The following NCAM2 variants were observed in gnomAD, a reference collection of about 807,000 sequenced individuals.
The protein encoded by NCAM2 is N-CAM-2.
Under a neutral mutation model 98.1 loss-of-function variants are expected in NCAM2, and 30 were observed. The observed-to-expected ratio is 0.31, with a 90% confidence interval of 0.23 to 0.41. The LOEUF is 0.41. NCAM2 is among the 10% of genes least tolerant of loss of function. The pLI, the probability that NCAM2 is intolerant of heterozygous loss-of-function variation, is 1.00. For missense variants in NCAM2, 867 were observed against 1,005.8 expected (o/e 0.86, Z 1.87); for synonymous variants, 368 against 342.4 (o/e 1.07, Z -0.83).
At chr21:21,423,064 A>G (rs903194823) in intron 11 of NCAM2, among the ~76,000 whole-genome samples, 33 of 151,746 alleles carry the variant, frequency 2.2e-4, no homozygotes, top group Non-Finnish European at 1.5e-5. Context: ...TAAATTTCTT[A>G]ATTTGTTTCA....
At chr21:21,492,107 T>A (rs905982922) in intron 15 of NCAM2, among the ~76,000 whole-genome samples, 3 of 151,682 alleles carry the variant, frequency 2.0e-5, no homozygotes, top group Non-Finnish European at 4.4e-5. Context: ...TTTGAGAAAA[T>A]CTGAAGCTAT....
chr21:21,188,120 G>T (rs1214220480), intron 1 of NCAM2, among the ~76,000 whole-genome samples: 1 of 152,090 alleles, frequency 6.6e-6, no homozygotes, highest in African/African-American at 2.4e-5. Context: ...TTATTGTTCT[G>T]TAATATTCAT....
chr21:21,009,942 C>G (rs557411986), intron 1 of NCAM2, among the ~76,000 whole-genome samples: 76 of 124,022 alleles, frequency 6.1e-4, no homozygotes, highest in Middle Eastern at 4.3e-3. Flanking sequence ...GTGGTGTTCT[C>G]TAGGTCCAAC....
intron 1 of NCAM2, among the ~76,000 whole-genome samples, chr21:21,092,223 G>A (rs545574757): frequency 8.5e-5 from 13 of 152,108 alleles, no homozygotes; most frequent in African/African-American, 2.9e-4. Context: ...CCTCAGCTTT[G>A]TTAAACAGTT....
chr21:21,067,941 TG>T (rs1424321579), intron 1 of NCAM2, among the ~76,000 whole-genome samples: 10 of 152,032 alleles, frequency 6.6e-5, no homozygotes, highest in African/African-American at 2.4e-4. Context: ...TTAAAAAAAC[TG>T]AATTTCTTGT....
chr21:21,040,694 T>G (rs925818692), intron 1 of NCAM2, among the ~76,000 whole-genome samples: 1 of 152,096 alleles, frequency 6.6e-6, no homozygotes, highest in Non-Finnish European at 1.5e-5. Flanking sequence ...GAAAGACAAA[T>G]ATTGCATGTT....
intron 1 of NCAM2, among the ~76,000 whole-genome samples, chr21:21,063,448 TG>T (rs1420457161): frequency 6.6e-6 from 1 of 151,944 alleles, no homozygotes; most frequent in Non-Finnish European, 1.5e-5. Context: ...CTTGAGCTCC[TG>T]GCCTCAAGTG....
Position 21,086,983 on chromosome 21 carries a change from G to T in NCAM2, c.55+88365G>T, listed in dbSNP as rs141992796. ...ACTCTATCCTTTTGATAGGGATATT[G>T]ATCGTTTTGTAGACATATCTAACAT... On this transcript the variant is annotated intron_variant, in intron 1 of 17. Coordinates refer to ENST00000400546, the MANE Select transcript of NCAM2 (RefSeq NM_004540.5). Among the ~76,000 whole-genome samples, 352 of 150,496 alleles carry T rather than the reference G, an allele frequency of 2.3e-3. 7 individuals carry two copies. The highest frequency in any genetic ancestry group is 0.015 in the Admixed American group (231 of 15,112).
At chr21:21,270,782 T>A (rs2072467679) in intron 1 of NCAM2, among the ~76,000 whole-genome samples, 1 of 152,094 alleles carries the variant, frequency 6.6e-6, no homozygotes, top group Non-Finnish European at 1.5e-5. Flanking sequence ...ATGCTTGACC[T>A]TTGGGAGATT....
chr21:21,104,452 A>G (rs2066305192), intron 1 of NCAM2, among the ~76,000 whole-genome samples: 1 of 152,176 alleles, frequency 6.6e-6, no homozygotes, highest in Non-Finnish European at 1.5e-5. Flanking sequence ...TCTACTTCAT[A>G]CTTGTTATCT....
chr21:21,282,640 C>CA (rs1349876219), intron 2 of NCAM2, among the ~76,000 whole-genome samples: 3 of 151,546 alleles, frequency 2.0e-5, no homozygotes, highest in Non-Finnish European at 4.4e-5. Flanking sequence ...ATCTAAAACT[C>CA]AATAAAATAA....
At chr21:21,187,322 GA>G (rs1028255615) in intron 1 of NCAM2, among the ~76,000 whole-genome samples, 6 of 152,090 alleles carry the variant, frequency 3.9e-5, no homozygotes, top group African/African-American at 1.2e-4. Context: ...AATTTTACTA[GA>G]CAACATCATT....
At chr21:21,435,858 A>G (rs968108882) in intron 12 of NCAM2, among the ~76,000 whole-genome samples, 7 of 152,074 alleles carry the variant, frequency 4.6e-5, no homozygotes, top group Non-Finnish European at 8.8e-5. Context: ...TGTTTTGGGG[A>G]AAACCAAGTT....
intron 12 of NCAM2, among the ~76,000 whole-genome samples, chr21:21,446,312 G>C (rs1373726082): frequency 1.3e-5 from 2 of 151,902 alleles, no homozygotes; most frequent in African/African-American, 4.8e-5. Flanking sequence ...GTGTCTTGGG[G>C]TTGACCTTCT....
chr21:21,015,229 C>G (rs2064284173), intron 1 of NCAM2, among the ~76,000 whole-genome samples: 1 of 152,150 alleles, frequency 6.6e-6, no homozygotes. Flanking sequence ...AGACTGACTT[C>G]AATTTTGAAA....
intron 15 of NCAM2, among the ~76,000 whole-genome samples, chr21:21,500,653 T>C (rs1272864409): frequency 6.6e-6 from 1 of 152,130 alleles, no homozygotes; most frequent in Non-Finnish European, 1.5e-5. Context: ...CCCACAAATA[T>C]ATAAAGAAAA....
chr21:21,000,109 A>T (rs2063991850), intron 1 of NCAM2, among the ~76,000 whole-genome samples: 1 of 152,234 alleles, frequency 6.6e-6, no homozygotes, highest in African/African-American at 2.4e-5. Flanking sequence ...TCGTTAATTC[A>T]GTGGTTCTTA....
chr21:21,182,042 A>G (rs1055802329), intron 1 of NCAM2, among the ~76,000 whole-genome samples: 1 of 151,854 alleles, frequency 6.6e-6, no homozygotes, highest in African/African-American at 2.4e-5. Flanking sequence ...AAAAAAAAAA[A>G]AACAAATAAA....
rs150174319 is a variant in NCAM2, at chr21:21,404,199, C to T, written c.1196-6075C>T. Among the ~76,000 whole-genome samples, 611 of 152,194 alleles carry T rather than the reference C, an allele frequency of 4.0e-3. 5 individuals carry two copies. Among genetic ancestry groups the T allele is most frequent in the African/African-American group, 0.014 (573 of 41,518 alleles). ...AATATTTCCCCTGATGTGAGGCATACGTGTTTACTGTAGAGTGAATATATG... is the reference window on the plus strand; with the variant it reads ...AATATTTCCCCTGATGTGAGGCATATGTGTTTACTGTAGAGTGAATATATG... On this transcript the variant is annotated intron_variant, in intron 9 of 17. Transcript: ENST00000400546.
Sources: gnomAD v4.1 joint callset for allele counts (sites outside exome capture counted in the v4.1 genomes callset) on GRCh38, gnomAD v4.1.1 for gene constraint, MANE v1.5 for transcripts, NCBI Gene and HGNC (gene_info 2026-07-23, HGNC 2026-07-21) for gene names.